DCHS1: variants seen among roughly 807,000 people sequenced by gnomAD.
The protein encoded by DCHS1 is dachsous cadherin-related 1.
DCHS1 carries 78 observed loss-of-function variants against 213.9 expected under a neutral mutation model. The observed-to-expected ratio is 0.36, with a 90% confidence interval of 0.30 to 0.44. DCHS1 has a LOEUF of 0.44. Among genes scored for constraint, DCHS1 ranks in the 20% least tolerant of loss-of-function variants. The pLI, the probability that DCHS1 is intolerant of heterozygous loss-of-function variation, is 1.00. For synonymous variants in DCHS1, 1,828 were observed against 1,873.7 expected (o/e 0.98, Z 0.63); for missense variants, 3,946 against 4,395.9 (o/e 0.90, Z 2.89).
At chr11:6,645,859 G>T (rs937852) in intron 1 of DCHS1, among the ~76,000 whole-genome samples, 30,119 of 152,060 alleles carry the variant, frequency 0.2, 3,375 homozygotes, top group African/African-American at 0.28. Flanking sequence ...GCAGGCAGAT[G>T]CACATGCACA....
At chr11:6,634,818 T>C (rs1298530968) in intron 2 of DCHS1, 3 of 152,220 alleles carry the variant, frequency 2.0e-5, no homozygotes, top group African/African-American at 7.2e-5. Context: ...AAAGGGACAT[T>C]TGTTTACAAG....
At position 6,634,190 on chromosome 11, in the gene DCHS1, C is replaced by T. The variant is rs757049177; in HGVS notation, c.1914G>A (p.Val638=). Residue 638 remains valine, a synonymous_variant, in exon 3 of 21, where the codon GTG becomes GTA. Coordinates refer to ENST00000299441, the MANE Select transcript of DCHS1 (RefSeq NM_003737.4). ...CACGGTCCAGGGTCCGGGTTGTGCA[C>T]ACATCACCGCTGTGGGCATCAATGC... ...PFRIDAHSGD[V]CTTRTLDRDQ... 1.2e-6 allele frequency: 2 copies of T among 1,613,900 alleles called. No individual in the cohort carries two copies. Among genetic ancestry groups the T allele is most frequent in the South Asian group, 1.1e-5 (1 of 91,064 alleles).
Position 6,632,208 on chromosome 11 carries a change from T to C in DCHS1, c.3304A>G (p.Ser1102Gly). 1 of 1,610,792 alleles carries C rather than the reference T, an allele frequency of 6.2e-7. No individual in the cohort carries two copies. The highest frequency in any genetic ancestry group is 8.5e-7 in the Non-Finnish European group (1 of 1,177,504). The change falls in exon 6 of 21, where the codon AGT (serine) becomes GGT (glycine). Residue 1102 changes from serine (S) to glycine (G), a missense_variant. This residue lies in a region of DCHS1 where 3,384 missense variants were observed against 3,780.1 expected (regional missense o/e 0.90). Transcript: ENST00000299441. This position sits in a 1 kb window ranked among gnomAD's most constrained non-coding sequence, Gnocchi z 5.9. ...GTGGGATCCTCAGACAAGCGGGGAC[T>C]GTGTTCATTCTGGTTGAGGATGCTG... is the stretch of plus-strand genomic sequence containing the variant. ...RVSILNQNEHSPRLSEDPTFL... is the reference protein window; with the variant it reads ...RVSILNQNEHGPRLSEDPTFL...
In DCHS1 at chr11:6,630,518, C is replaced by T. The variant is rs1222475161; in HGVS notation, c.4276G>A (p.Val1426Met). ...GARLLRVQVQ[V>M]QDENEHAPAF... ...GGCGCATGCTCATTCTCGTCCTGCACTTGCACCTGCACTCGCAGCAGCCGC... is the reference window on the plus strand; with the variant it reads ...GGCGCATGCTCATTCTCGTCCTGCATTTGCACCTGCACTCGCAGCAGCCGC... Residue 1426 changes from valine to methionine, a missense_variant, in exon 10 of 21, where the codon GTG becomes ATG. Coordinates refer to ENST00000299441, the MANE Select transcript of DCHS1 (RefSeq NM_003737.4). 6.5e-7 allele frequency: 1 copy of T among 1,538,972 alleles called. No homozygotes were observed. Among genetic ancestry groups the T allele is most frequent in the Admixed American group, 1.9e-5 (1 of 53,170 alleles).
chr11:6,623,122 G>C lies in DCHS1; in HGVS notation c.8554C>G (p.Leu2852Val), dbSNP rs139981407. Residue 2852 changes from leucine (L) to valine (V), a missense_variant, in exon 21 of 21, where the codon CTT (leucine) becomes GTT (valine). Coordinates refer to ENST00000299441, the MANE Select transcript of DCHS1 (RefSeq NM_003737.4). ...GGADGLVLYS[L>V]ATSSPYFGIN... ...CCAAAATAGGGGGAAGAGGTGGCAA[G>C]GGAATACAGAACCAGGCCATCGGCA... The C allele has an allele frequency of 1.2e-6, 2 of 1,607,538 alleles. No individual in the cohort carries two copies. Among genetic ancestry groups the C allele is most frequent in the South Asian group, 1.1e-5 (1 of 89,944 alleles).
chr11:6,623,479 C>A lies in DCHS1; in HGVS notation c.8197G>T (p.Gly2733Trp). The change falls in exon 21 of 21, where the codon GGG becomes TGG. Residue 2733 changes from glycine (G) to tryptophan (W), a missense_variant. Physicochemically the swap from Gly to Trp is radical, Grantham distance 184. Transcript: ENST00000299441. ...TLVTTLHAID[G>W]DAGAFGRLRY... The stretch of plus-strand genomic sequence containing the variant: ...AGCCTCCCAAAAGCCCCAGCATCCC[C>A]GTCGATTGCATGCAGAGTGGTCACG... 1 of 1,585,606 alleles carries A rather than the reference C, an allele frequency of 6.3e-7. No homozygotes were observed. The highest frequency in any genetic ancestry group is 2.3e-5 in the East Asian group (1 of 43,068).
In DCHS1 at chr11:6,624,062, A is replaced by C. The variant is rs116331031; in HGVS notation, c.7614T>G (p.Ala2538=). 10,340 of 1,613,216 alleles carry C rather than the reference A, an allele frequency of 6.4e-3. 592 individuals are homozygous for C. In the African/African-American group the frequency reaches 0.12, roughly 19 times the overall value. The part of the protein sequence containing the change: ...GRVFQLEPRL[A]EAGESAGPGP... ...CTGGTCCAGCACTCTCCCCAGCCTC[A>C]GCCAGCCTGGGTTCCAGCTGGAAGA... The change falls in exon 21 of 21, where the codon GCT becomes GCG. Residue 2538 remains alanine, a synonymous_variant. Coordinates refer to ENST00000299441, the MANE Select transcript of DCHS1 (RefSeq NM_003737.4).
rs1296271502 is a variant in DCHS1 at position 6,630,095 on chromosome 11, C to A, written c.4699G>T (p.Val1567Leu). Residue 1567 changes from valine (V) to leucine (L), a missense_variant, in exon 10 of 21, where the codon GTG (valine) becomes TTG (leucine). Physicochemically the swap from Val to Leu is conservative, Grantham distance 32. Around this residue, in one of 3 missense-constraint regions of DCHS1, gnomAD observed 3,384 missense variants for 3,780.1 expected, o/e 0.90. Transcript: ENST00000299441. ...CCCAGATCCGGGTCCCGGGCTACCA[C>A]GTGCAGGGCCGCGGGCCCAGGCGGC... ...DQPPGPAALH[V>L]VARDPDLGEA... 1 of 1,597,764 alleles carries A rather than the reference C, an allele frequency of 6.3e-7. No homozygotes were observed. The highest frequency in any genetic ancestry group is 8.5e-7 in the Non-Finnish European group (1 of 1,170,098).
intron 1 of DCHS1, among the ~76,000 whole-genome samples, chr11:6,649,280 G>A (rs1019320471): frequency 4.0e-5 from 6 of 151,576 alleles, no homozygotes; most frequent in Non-Finnish European, 7.4e-5. Context: ...TGGAGGGCTC[G>A]GGATGCTCTG....
At position 6,621,402 on chromosome 11, in the gene DCHS1, T is replaced by A. The variant is rs548394513; in HGVS notation, c.*377A>T. On this transcript the variant is annotated 3_prime_UTR_variant, in exon 21 of 21. Transcript: ENST00000299441. Reference sequence around the variant, plus strand: ...TTCTGGGCAGGGGCAGGGGCAGGGGTGTCAGTGGAACCCAAAGGAGCTGGG... The same window carrying A: ...TTCTGGGCAGGGGCAGGGGCAGGGGAGTCAGTGGAACCCAAAGGAGCTGGG... The A allele has an allele frequency of 3.8e-5, 14 of 366,854 alleles. No individual in the cohort carries two copies. Among genetic ancestry groups the A allele is most frequent in the South Asian group, 3.3e-4 (14 of 42,770 alleles). The allele number at this position is 366,854 out of a possible 1,614,324, so 22.7% of individuals were successfully genotyped here.
At chr11:6,635,459 C>T (rs1855973481) in intron 2 of DCHS1, among the ~76,000 whole-genome samples, 1 of 152,196 alleles carries the variant, frequency 6.6e-6, no homozygotes, top group Non-Finnish European at 1.5e-5. Context: ...ATAAGGACCT[C>T]AGGGTCAGGA....
At chr11:6,653,308 G>A (rs143942205) in intron 1 of DCHS1, among the ~76,000 whole-genome samples, 172 of 152,182 alleles carry the variant, frequency 1.1e-3, no homozygotes, top group Non-Finnish European at 2.2e-3. Context: ...AAGTTTAAAT[G>A]CCACTTCCTC....
In DCHS1 at chr11:6,621,948, C is replaced by A; in HGVS notation, c.9728G>T (p.Gly3243Val). ...GGACATGGCAGCTGAGGACAGGGAG[C>A]CTTCATGGCTGATGGGGGAGCGGTG... Reference protein sequence around the residue: ...ASHRSPISHEGSLSSAAMSPS... With the variant: ...ASHRSPISHEVSLSSAAMSPS... The change falls in exon 21 of 21, where the codon GGC (glycine) becomes GTC (valine). Residue 3243 changes from glycine to valine, a missense_variant. This residue lies in a region of DCHS1 where 554 missense variants were observed against 590.2 expected (regional missense o/e 0.94). Transcript: ENST00000299441. 3 of 1,613,162 alleles carry A rather than the reference C, an allele frequency of 1.9e-6. No individual in the cohort carries two copies. The highest frequency in any genetic ancestry group is 2.5e-6 in the Non-Finnish European group (3 of 1,179,686).
chr11:6,635,763 C>T (rs2659868), intron 2 of DCHS1, among the ~76,000 whole-genome samples: 2,841 of 152,254 alleles, frequency 0.019, 75 homozygotes, highest in African/African-American at 0.064. Flanking sequence ...AAGCTGTTAA[C>T]GACCTTTGCC....
intron 1 of DCHS1, among the ~76,000 whole-genome samples, chr11:6,646,923 G>A (rs1422420930): frequency 1.3e-5 from 2 of 152,132 alleles, no homozygotes; most frequent in Non-Finnish European, 2.9e-5. Flanking sequence ...TGGGGGGGAG[G>A]AGCAGGGGGA....
rs771010003 is a variant in DCHS1 at position 6,623,022 on chromosome 11, C to A, written c.8654G>T (p.Gly2885Val). 22 of 1,573,670 alleles carry A rather than the reference C, an allele frequency of 1.4e-5. No individual in the cohort carries two copies. The South Asian group carries it at 2.0e-4, about 14-fold the overall frequency. The stretch of plus-strand genomic sequence containing the variant: ...TTCCCGCCGGGTCCGGCCCCCACCC[C>A]CAGAGGTGGCTGTTCCGCTGCCTGG... ...RAPGSGTATS[G>V]GGGRTRREAP... Residue 2885 changes from glycine (G) to valine (V), a missense_variant, in exon 21 of 21, where the codon GGG becomes GTG. Transcript: ENST00000299441.
At chr11:6,639,595 C>G (rs113407979) in intron 2 of DCHS1, among the ~76,000 whole-genome samples, 1 of 152,234 alleles carries the variant, frequency 6.6e-6, no homozygotes, top group Non-Finnish European at 1.5e-5. Context: ...TTAATTTCCT[C>G]ACCTGCCAAG....
Position 6,625,794 on chromosome 11 carries a change from G to A in DCHS1, c.6732-67C>T. 6.3e-7 allele frequency: 1 copy of A among 1,583,376 alleles called. No individual in the cohort carries two copies. Among genetic ancestry groups the A allele is most frequent in the Non-Finnish European group, 8.6e-7 (1 of 1,164,044 alleles). On this transcript the variant is annotated intron_variant, in intron 17 of 20. Coordinates refer to ENST00000299441, the MANE Select transcript of DCHS1 (RefSeq NM_003737.4). This position sits in a 1 kb window ranked among gnomAD's most constrained non-coding sequence, Gnocchi z 5.3. ...GGGGGAACTCTGGGCAGGGCCAGGA[G>A]GACTCAGGACAGAGCTTAGGGCTGG...
At position 6,621,854 on chromosome 11, in the gene DCHS1, G is replaced by A. The variant is rs1394489267; in HGVS notation, c.9822C>T (p.Ala3274=). Residue 3274 remains alanine (A), a synonymous_variant, in exon 21 of 21, where the codon GCC becomes GCT. Coordinates refer to ENST00000299441, the MANE Select transcript of DCHS1 (RefSeq NM_003737.4). ...TGAGTGCTGAGGCTGAGGGACCCTG[G>A]GCCACCCCAAATGGTGAGACAACGG... ...RSPVVSPFGV[A]QGPSASALSA... is the part of the protein sequence containing the mutation. 6.2e-7 allele frequency: 1 copy of A among 1,611,124 alleles called. No individual in the cohort carries two copies. Among genetic ancestry groups the A allele is most frequent in the Middle Eastern group, 1.7e-4 (1 of 6,058 alleles).
Sources: gnomAD v4.1 joint callset for allele counts (sites outside exome capture counted in the v4.1 genomes callset) on GRCh38, gnomAD v4.1.1 for gene constraint, gnomAD v4.1.1 regional missense constraint, Gnocchi (gnomAD v3.1) non-coding constraint, MANE v1.5 for transcripts, NCBI Gene and HGNC (gene_info 2026-07-23, HGNC 2026-07-21) for gene names.